MVD: variants seen among roughly 807,000 people sequenced by gnomAD.
MVD encodes the protein mevalonate diphosphate decarboxylase, also known as diphosphomevalonate decarboxylase.
MVD carries 52 observed loss-of-function variants against 42.4 expected under a neutral mutation model. The observed-to-expected ratio is 1.23, with a 90% CI of 0.98 to 1.55. The LOEUF (loss-of-function observed/expected upper bound fraction) is 1.55, where lower values mean the gene tolerates loss of function less well. MVD is among the 40% of genes most tolerant of loss of function. MVD has a pLI of 0.00. For missense variants in MVD, 663 were observed against 572.1 expected (o/e 1.16, Z -1.62); for synonymous variants, 287 against 243.2 (o/e 1.18, Z -1.68).
chr16:88,657,427 G>A lies in MVD; in HGVS notation c.403+9C>T, dbSNP rs749461882. The A allele has an allele frequency of 1.9e-6, 3 of 1,593,046 alleles. No individual in the cohort carries two copies. The highest frequency in any genetic ancestry group is 2.3e-5 in the East Asian group (1 of 43,546). On this transcript the variant is annotated intron_variant, in intron 4 of 9. Coordinates refer to ENST00000301012, the MANE Select transcript of MVD (RefSeq NM_002461.3). ...CCCAGAACCCCTGCGGGTCTCTGTG[G>A]GCACCCACCTAGGCAGGCATAGCCC...
chr16:88,653,444 C>G, intron 8 of MVD, 36 bp from the exon 9 acceptor site: 1 of 1,547,804 alleles, frequency 6.5e-7, no homozygotes, highest in Non-Finnish European at 8.8e-7. Context: ...TGAATGCATC[C>G]GTTTCTCTAA....
chr16:88,655,627 G>T (rs1031549375), intron 6 of MVD, 29 bp downstream of exon 6: 7 of 1,546,932 alleles, frequency 4.5e-6, no homozygotes, highest in Non-Finnish European at 6.1e-6. Context: ...GACTCCCAGG[G>T]CCCCGGGACC....
chr16:88,659,202 G>A (rs892756148), intron 1 of MVD: 27 of 183,266 alleles, frequency 1.5e-4, no homozygotes, highest in Middle Eastern at 2.6e-3. Context: ...CCCTGGGAGC[G>A]CTGCGTGGTG....
At position 88,655,354 on chromosome 16, in the gene MVD, C is replaced by T. The variant is rs375497943; in HGVS notation, c.742G>A (p.Asp248Asn). The change falls in exon 7 of 10, where the codon GAC becomes AAC. Residue 248 changes from aspartate to asparagine, a missense_variant. Physicochemically the swap from Asp to Asn is conservative, Grantham distance 23. Transcript: ENST00000301012. The part of the protein sequence containing the change: ...AEMARCIRER[D>N]FPSFAQLTMK... ...GTCAGCTGGGCGAAGCTGGGGAAGT[C>T]TCGCTCCCGGATGCAGCGGGCCATC... is the stretch of plus-strand genomic sequence containing the variant. 1.2e-6 allele frequency: 2 copies of T among 1,602,238 alleles called. No homozygotes were observed. Among genetic ancestry groups the T allele is most frequent in the Non-Finnish European group, 1.7e-6 (2 of 1,175,012 alleles).
In MVD at chr16:88,655,747, C is replaced by CA; in HGVS notation, c.604-18dup. On this transcript the variant is annotated splice_polypyrimidine_tract_variant and intron_variant, in intron 5 of 9. Transcript: ENST00000301012. ...AGCGCTCACCTGCACGAGGGAGAGACAGCCTGGGCCACACCCTGCAGGGGG... is the reference window on the plus strand; with the variant it reads ...AGCGCTCACCTGCACGAGGGAGAGACAAGCCTGGGCCACACCCTGCAGGGGG... 2 of 1,551,332 alleles carry CA rather than the reference C, an allele frequency of 1.3e-6. No individual in the cohort carries two copies. The highest frequency in any genetic ancestry group is 2.4e-5 in the South Asian group (2 of 84,238).
At chr16:88,657,393 C>T (rs754574323) in intron 4 of MVD, 43 bp downstream of exon 4, 11 of 1,547,578 alleles carry the variant, frequency 7.1e-6, no homozygotes, top group Admixed American at 3.9e-5. Flanking sequence ...GTGGCTCCTG[C>T]GCCCACAGCC....
chr16:88,653,886 T>C (rs1907735990), intron 8 of MVD, among the ~76,000 whole-genome samples: 1 of 152,046 alleles, frequency 6.6e-6, no homozygotes, highest in African/African-American at 2.4e-5. Context: ...TCCTGGGGTG[T>C]GGGTCTGAGT....
At chr16:88,658,235 A>G (rs1908066376) in intron 2 of MVD, among the ~76,000 whole-genome samples, 1 of 152,122 alleles carries the variant, frequency 6.6e-6, no homozygotes, top group Non-Finnish European at 1.5e-5. Flanking sequence ...TGGAGCAACC[A>G]GGCCTTATCC....
chr16:88,654,707 C>G lies in MVD; in HGVS notation c.998G>C (p.Gly333Ala). 1 of 1,599,108 alleles carries G rather than the reference C, an allele frequency of 6.3e-7. No homozygotes were observed. Among genetic ancestry groups the G allele is most frequent in the Non-Finnish European group, 8.5e-7 (1 of 1,175,432 alleles). The change falls in exon 8 of 10, where the codon GGC becomes GCC. Residue 333 changes from glycine (G) to alanine (A), a missense_variant. Coordinates refer to ENST00000301012, the MANE Select transcript of MVD (RefSeq NM_002461.3). ...VAAVWHGFPP[G>A]SNGDTFLKGL... ...CCACACTCACGTGTCTCCATTCGAGCCTGGGGGAAAGCCGTGCCACACAGC... is the reference window on the plus strand; with the variant it reads ...CCACACTCACGTGTCTCCATTCGAGGCTGGGGGAAAGCCGTGCCACACAGC...
At chr16:88,658,759 G>T in intron 1 of MVD, 39 bp from the exon 2 acceptor site, 9 of 1,131,598 alleles carry the variant, frequency 8.0e-6, no homozygotes, top group Non-Finnish European at 9.1e-6. Flanking sequence ...TGGGCTTCCC[G>T]GCCCACCCTC....
At chr16:88,655,879 A>C (rs1317303846) in intron 5 of MVD, 149 bp from the exon 6 acceptor site, 1 of 1,132,750 alleles carries the variant, frequency 8.8e-7, no homozygotes, top group Non-Finnish European at 1.2e-6. Context: ...CCTCCCGGCC[A>C]CAGCAGGGGT....
intron 9 of MVD, among the ~76,000 whole-genome samples, chr16:88,652,847 A>T (rs1907661728): frequency 6.6e-6 from 1 of 152,136 alleles, no homozygotes; most frequent in Non-Finnish European, 1.5e-5. Flanking sequence ...ACAGAGAACC[A>T]CAGAGCCTGG....
At chr16:88,658,994 T>G in intron 1 of MVD, 5 of 451,104 alleles carry the variant, frequency 1.1e-5, no homozygotes, top group Non-Finnish European at 1.2e-5. Context: ...CATCCGTGAG[T>G]GCCCAGGTGC....
chr16:88,659,010 G>A (rs1187987769), intron 1 of MVD: 7 of 426,000 alleles, frequency 1.6e-5, no homozygotes, highest in African/African-American at 6.0e-5. Context: ...GGTGCGGATC[G>A]CTCCCACCGC....
chr16:88,653,311 T>C lies in MVD; in HGVS notation c.1111A>G (p.Ile371Val). ...EPTPGGVKYI[I>V]VTQVGPGPQI... ...GCCCCAGGCCTCACCTGAGTGACAA[T>C]GATGTATTTGACCCCACCGGGGGTC... Residue 371 changes from isoleucine (I) to valine (V), a missense_variant, in exon 9 of 10, where the codon ATT becomes GTT. Transcript: ENST00000301012. The C allele has an allele frequency of 6.3e-7, 1 of 1,597,756 alleles. No individual in the cohort carries two copies. Among genetic ancestry groups the C allele is most frequent in the South Asian group, 1.1e-5 (1 of 89,068 alleles).
chr16:88,659,908 A>C (rs1908182118), intron 1 of MVD, among the ~76,000 whole-genome samples: 1 of 151,400 alleles, frequency 6.6e-6, no homozygotes. Flanking sequence ...CGGAGGTTGC[A>C]CTGAGCCGAG....
rs577363708 is a variant in MVD at position 88,657,833 on chromosome 16, G to A, written c.256+82C>T. 6.3e-6 allele frequency: 9 copies of A among 1,436,214 alleles called. No individual in the cohort carries two copies. The East Asian group carries it at 1.8e-4, about 29-fold the overall frequency. 89.0% of individuals were successfully genotyped at this position (1,436,214 alleles called of 1,614,324 possible). A position where few individuals can be genotyped will look rare whatever the true frequency, so the allele number is the denominator to read the frequency against. ...CCACCCCGCCTGCTGCCTCAGGAGG[G>A]GCACAGAGGCAGAAGCACTTTCTGG... On this transcript the variant is annotated intron_variant, in intron 3 of 9. Coordinates refer to ENST00000301012, the MANE Select transcript of MVD (RefSeq NM_002461.3).
rs375586105 is a variant in MVD, at chr16:88,656,207, A to G, written c.501T>C (p.Phe167=). 5.0e-6 allele frequency: 8 copies of G among 1,601,146 alleles called. No individual in the cohort carries two copies. The African/African-American group carries it at 6.7e-5, about 13-fold the overall frequency. Residue 167 remains phenylalanine, a synonymous_variant, in exon 5 of 10, where the codon TTT becomes TTC. Transcript: ENST00000301012. ...GSACRSLYGG[F]VEWQMGEQAD... is the part of the protein sequence containing the mutation. ...CCTGCTCTCCCATCTGCCACTCCAC[A>G]AAGCCCCCATACAGGCTCCGGCAGG...
At chr16:88,659,047 A>C in intron 1 of MVD, 3 of 347,106 alleles carry the variant, frequency 8.6e-6, no homozygotes, top group East Asian at 6.5e-5. Flanking sequence ...ACCTTCCCAA[A>C]CAAAAGGAGC....
Sources: gnomAD v4.1 joint callset for allele counts (sites outside exome capture counted in the v4.1 genomes callset) on GRCh38, gnomAD v4.1.1 for gene constraint, MANE v1.5 for transcripts, NCBI Gene and HGNC (gene_info 2026-07-23, HGNC 2026-07-21) for gene names.